The following NSD2 variants were observed in gnomAD, a reference collection of about 807,000 sequenced individuals.
NSD2 encodes the protein nuclear receptor binding SET domain protein 2, also known as histone-lysine N-methyltransferase NSD2.
Under a neutral mutation model 139.0 loss-of-function variants are expected in NSD2, and 12 were observed. The observed-to-expected ratio is 0.09, with a 90% confidence interval of 0.06 to 0.14. The LOEUF (loss-of-function observed/expected upper bound fraction) is 0.14, where lower values mean the gene tolerates loss of function less well. Among genes scored for constraint, NSD2 ranks in the 10% least tolerant of loss-of-function variants. NSD2 has a pLI of 1.00. For synonymous variants in NSD2, 669 were observed against 648.7 expected (o/e 1.03, Z -0.48); for missense variants, 1,155 against 1,745.0 (o/e 0.66, Z 6.02).
At chr4:1,877,841 G>A (rs1320986462) in intron 1 of NSD2, among the ~76,000 whole-genome samples, 1 of 151,768 alleles carries the variant, frequency 6.6e-6, no homozygotes, top group African/African-American at 2.4e-5. Flanking sequence ...TCTCCCTCTC[G>A]GGCACCTTCT....
At chr4:1,923,238 C>T (rs888179470) in intron 5 of NSD2, among the ~76,000 whole-genome samples, 1 of 150,062 alleles carries the variant, frequency 6.7e-6, no homozygotes, top group African/African-American at 2.5e-5. Context: ...CCTGTAATCC[C>T]AGTACTTTGG....
intron 3 of NSD2, among the ~76,000 whole-genome samples, chr4:1,916,407 A>G (rs1719403199): frequency 6.6e-6 from 1 of 151,948 alleles, no homozygotes; most frequent in Non-Finnish European, 1.5e-5. Flanking sequence ...GAGCAGTGGT[A>G]TGATCTTGGC....
intron 1 of NSD2, chr4:1,892,968 A>G (rs1715716015): frequency 1.3e-5 from 2 of 152,074 alleles, no homozygotes; most frequent in Non-Finnish European, 2.9e-5. Flanking sequence ...TATAATGGTC[A>G]TGTTGCATTT....
intron 1 of NSD2, among the ~76,000 whole-genome samples, chr4:1,886,680 C>T (rs970927236): frequency 6.6e-6 from 1 of 151,826 alleles, no homozygotes; most frequent in African/African-American, 2.4e-5. Flanking sequence ...AATACACACA[C>T]CCAAAAAATT....
chr4:1,902,259 CTG>C (rs1359634541), intron 2 of NSD2, among the ~76,000 whole-genome samples: 1 of 152,126 alleles, frequency 6.6e-6, no homozygotes, highest in East Asian at 1.9e-4. Flanking sequence ...GAGATGGTCT[CTG>C]TTGTCCAGGC....
Position 1,918,176 on chromosome 4 carries a change from G to A in NSD2, c.963G>A (p.Gln321=), listed in dbSNP as rs1427424974. The change falls in exon 5 of 22, where the codon CAG becomes CAA. Residue 321 remains glutamine (Q), a synonymous_variant. Transcript: ENST00000508803. ...LKPISGKLRA[Q]WEMGIVQAEE... is the part of the protein sequence containing the mutation. ...CAATTTCAGGGAAATTGAGGGCCCAGTGGGAAATGGGCATTGTTCAAGCAG... is the reference window on the plus strand; with the variant it reads ...CAATTTCAGGGAAATTGAGGGCCCAATGGGAAATGGGCATTGTTCAAGCAG... The A allele has an allele frequency of 6.2e-7, 1 of 1,613,012 alleles. No homozygotes were observed. Among genetic ancestry groups the A allele is most frequent in the Non-Finnish European group, 8.5e-7 (1 of 1,179,840 alleles).
At chr4:1,909,211 G>A (rs944132711) in intron 3 of NSD2, among the ~76,000 whole-genome samples, 4 of 151,892 alleles carry the variant, frequency 2.6e-5, no homozygotes, top group Admixed American at 1.3e-4. Flanking sequence ...ACCTCTTTAC[G>A]TTCTGGTACA....
At chr4:1,871,971 G>C (rs1002866731) in intron 1 of NSD2, among the ~76,000 whole-genome samples, 1 of 149,704 alleles carries the variant, frequency 6.7e-6, no homozygotes, top group African/African-American at 2.4e-5. Context: ...CCGCGGCGCC[G>C]AGCGGGTCGG....
Position 1,938,443 on chromosome 4 carries a change from A to ATT in NSD2, c.1675-8_1675-7insTT. On this transcript the variant is annotated splice_region_variant and splice_polypyrimidine_tract_variant and intron_variant, in intron 7 of 21. Transcript: ENST00000508803. ...TTTTTTTTTTTTTTTTTTTTTTTTA[A>ATT]ATAATAGAGAGACACAATCACTGAC... 1 of 1,095,864 alleles carries ATT rather than the reference A, an allele frequency of 9.1e-7. No homozygotes were observed. The highest frequency in any genetic ancestry group is 3.2e-5 in the East Asian group (1 of 31,576). 67.9% of individuals were successfully genotyped at this position (1,095,864 alleles called of 1,614,324 possible). A position where few individuals can be genotyped will look rare whatever the true frequency, so the allele number is the denominator to read the frequency against.
At chr4:1,925,762 C>CTA (rs1469853788) in intron 5 of NSD2, among the ~76,000 whole-genome samples, 60 of 147,780 alleles carry the variant, frequency 4.1e-4, no homozygotes, top group African/African-American at 1.5e-3. Context: ...TTTTATATAT[C>CTA]TATATATATA....
chr4:1,955,101 C>T lies in NSD2; in HGVS notation c.2339-60C>T. On this transcript the variant is annotated intron_variant, in intron 12 of 21. Transcript: ENST00000508803. The surrounding 1 kb of genome is among the most constrained non-coding windows in gnomAD (Gnocchi z 4.7). ...GGAGGCTGAGTAATTATTAGTTGCT[C>T]TTTTCACTATGACTGGAGTCAGTGT... 5 of 1,500,176 alleles carry T rather than the reference C, an allele frequency of 3.3e-6. No individual in the cohort carries two copies. The highest frequency in any genetic ancestry group is 3.6e-6 in the Non-Finnish European group (4 of 1,104,830). The allele number at this position is 1,500,176 out of a possible 1,614,324, so 92.9% of individuals were successfully genotyped here. A position where few individuals can be genotyped will look rare whatever the true frequency, so the allele number is the denominator to read the frequency against.
intron 3 of NSD2, among the ~76,000 whole-genome samples, chr4:1,912,470 T>C (rs1718811075): frequency 6.6e-6 from 1 of 152,228 alleles, no homozygotes; most frequent in Admixed American, 6.5e-5. Context: ...TTTGTTTCCC[T>C]TGGAATTAAT....
intron 1 of NSD2, among the ~76,000 whole-genome samples, chr4:1,880,188 T>C (rs2108675434): frequency 6.6e-6 from 1 of 152,304 alleles, no homozygotes; most frequent in South Asian, 2.1e-4. Context: ...AGAGCCTTGC[T>C]ACACAAATCT....
intron 5 of NSD2, among the ~76,000 whole-genome samples, chr4:1,925,772 A>ATATATATTTTT (rs1398178074): frequency 6.7e-6 from 1 of 148,856 alleles, no homozygotes; most frequent in African/African-American, 2.5e-5. Context: ...CTATATATAT[A>ATATATATTTTT]TTTTTTTTTG....
intron 12 of NSD2, among the ~76,000 whole-genome samples, chr4:1,954,879 G>A (rs1201186892): frequency 1.3e-5 from 2 of 152,132 alleles, no homozygotes; most frequent in African/African-American, 4.8e-5. Context: ...TAGAGGCCAG[G>A]GATGCTGCTC....
Position 1,979,097 on chromosome 4 carries a change from A to C in NSD2, c.*188A>C. 1.6e-6 allele frequency: 1 copy of C among 611,162 alleles called. No individual in the cohort carries two copies. Among genetic ancestry groups the C allele is most frequent in the Non-Finnish European group, 2.5e-6 (1 of 395,586 alleles). The allele number at this position is 611,162 out of a possible 1,614,324, so 37.9% of individuals were successfully genotyped here. A position where few individuals can be genotyped will look rare whatever the true frequency, so the allele number is the denominator to read the frequency against. ...CCTCAGCAGCGTCCGCTGCGTCTGC[A>C]CTGATGACCGTCTGAGCCCAGCTCA... On this transcript the variant is annotated 3_prime_UTR_variant, in exon 22 of 22. Transcript: ENST00000508803.
chr4:1,904,433 T>A lies in NSD2; in HGVS notation c.760+55T>A, dbSNP rs542889522. 7 of 1,539,524 alleles carry A rather than the reference T, an allele frequency of 4.5e-6. No homozygotes were observed. In the African/African-American group the frequency reaches 8.3e-5, roughly 18 times the overall value. On this transcript the variant is annotated intron_variant, in intron 3 of 21. Coordinates refer to ENST00000508803, the MANE Select transcript of NSD2 (RefSeq NM_001042424.3). ...CTTTCTCTTCTGCACTTAATCTTTC[T>A]CATCTCCAGGCTTCTTTCTTACTCT...
intron 9 of NSD2, chr4:1,941,954 A>G (rs1383741041): frequency 9.2e-7 from 1 of 1,087,304 alleles, no homozygotes; most frequent in African/African-American, 1.6e-5. Flanking sequence ...TTCTGATATG[A>G]GTTAGGTGAC....
At position 1,871,397 on chromosome 4, in the gene NSD2, C is replaced by CCG. The variant is rs1458075762; in HGVS notation, c.-168_-167dup. On this transcript the variant is annotated 5_prime_UTR_variant, in exon 1 of 22. Coordinates refer to ENST00000508803, the MANE Select transcript of NSD2 (RefSeq NM_001042424.3). ...GGGAGGCGCGGGGGCGGGGTCGGCG[C>CCG]CGCGCGCGAGAGCCTCGGCCTGGCC... 1 of 145,208 alleles carries CCG rather than the reference C, an allele frequency of 6.9e-6. No individual in the cohort carries two copies. The highest frequency in any genetic ancestry group is 1.5e-5 in the Non-Finnish European group (1 of 65,330). The allele number at this position is 145,208 out of a possible 1,614,324, so 9.0% of individuals were successfully genotyped here. A position where few individuals can be genotyped will look rare whatever the true frequency, so the allele number is the denominator to read the frequency against.
Sources: allele counts gnomAD v4.1 joint callset (sites outside exome capture counted in the v4.1 genomes callset), GRCh38; gene constraint gnomAD v4.1.1; non-coding constraint Gnocchi (gnomAD v3.1); transcripts MANE v1.5; gene names NCBI Gene and HGNC (gene_info 2026-07-23, HGNC 2026-07-21).